Variants in TBC1D32 observed in about 807,000 individuals in gnomAD.
TBC1D32 encodes protein broad-minded.
TBC1D32 carries 151 observed loss-of-function variants against 170.3 expected under a neutral mutation model. The ratio of observed to expected loss-of-function variants is 0.89; its 90% CI spans 0.78 to 1.01. The LOEUF is 1.01. Among genes scored for constraint, TBC1D32 ranks in the 50% least tolerant of loss-of-function variants. The probability of loss-of-function intolerance (pLI) is 0.00; values close to 1 mark genes in which losing one functional copy is unlikely to be tolerated. For synonymous variants in TBC1D32, 498 were observed against 488.0 expected (o/e 1.02, Z -0.27); for missense variants, 1,464 against 1,457.1 (o/e 1.00, Z -0.08).
At chr6:121,103,217 A>T (rs922851747) in intron 30 of TBC1D32, among the ~76,000 whole-genome samples, 5 of 152,154 alleles carry the variant, frequency 3.3e-5, no homozygotes, top group African/African-American at 1.2e-4. Context: ...CATTTGACCC[A>T]GCCATCCCAT....
intron 30 of TBC1D32, among the ~76,000 whole-genome samples, chr6:121,100,295 G>C (rs1393476245): frequency 6.6e-6 from 1 of 151,978 alleles, no homozygotes; most frequent in African/African-American, 2.4e-5. Context: ...GATTGGTGCA[G>C]AGCTGAGTTC....
chr6:121,128,229 C>T (rs1426759630), intron 25 of TBC1D32, among the ~76,000 whole-genome samples: 1 of 152,128 alleles, frequency 6.6e-6, no homozygotes. Context: ...TGCCCAGCAA[C>T]CCTTATGAAC....
chr6:121,142,832 AAAAC>A (rs1439226686), intron 24 of TBC1D32, among the ~76,000 whole-genome samples: 5 of 152,302 alleles, frequency 3.3e-5, no homozygotes, highest in Admixed American at 6.5e-5. Context: ...CAGAAAAACA[AAAAC>A]AAAAGAAATT....
At chr6:121,296,860 A>G (rs769030625) in intron 10 of TBC1D32, among the ~76,000 whole-genome samples, 1 of 152,108 alleles carries the variant, frequency 6.6e-6, no homozygotes, top group Non-Finnish European at 1.5e-5. Context: ...AAGACAAAAG[A>G]ACAAACAATA....
At chr6:121,183,265 G>T (rs572659271) in intron 22 of TBC1D32, among the ~76,000 whole-genome samples, 7 of 152,122 alleles carry the variant, frequency 4.6e-5, no homozygotes, top group Non-Finnish European at 1.0e-4. Flanking sequence ...TTCATACAAT[G>T]CTAAGCAGTG....
At chr6:121,215,000 T>C (rs1483468771) in intron 21 of TBC1D32, among the ~76,000 whole-genome samples, 2 of 152,166 alleles carry the variant, frequency 1.3e-5, no homozygotes, top group African/African-American at 2.4e-5. Context: ...AGACCCACAA[T>C]GTATATCTCC....
chr6:121,090,903 G>T lies in TBC1D32; in HGVS notation c.3604C>A (p.Gln1202Lys). The T allele has an allele frequency of 1.9e-6, 3 of 1,612,634 alleles. No individual in the cohort carries two copies. The highest frequency in any genetic ancestry group is 2.5e-6 in the Non-Finnish European group (3 of 1,179,622). The change falls in exon 31 of 32, where the codon CAA becomes AAA. Residue 1202 changes from glutamine (Q) to lysine (K), a missense_variant. Physicochemically the swap from Gln to Lys is moderately conservative, Grantham distance 53. Coordinates refer to ENST00000398212, the MANE Select transcript of TBC1D32 (RefSeq NM_152730.6). The part of the protein sequence containing the change: ...ICIAVFKHLQ[Q>K]DILQHTQTQD... Reference sequence around the variant, plus strand: ...GTCTGAGTGTGCTGTAGAATGTCTTGCTGTAAATGTTTGAATACAGCTATA... The same window carrying T: ...GTCTGAGTGTGCTGTAGAATGTCTTTCTGTAAATGTTTGAATACAGCTATA...
chr6:121,222,463 G>A (rs1439588760), intron 21 of TBC1D32, among the ~76,000 whole-genome samples: 1 of 152,010 alleles, frequency 6.6e-6, no homozygotes, highest in East Asian at 1.9e-4. Flanking sequence ...ACCTATCTTT[G>A]TATTTCACGT....
intron 30 of TBC1D32, among the ~76,000 whole-genome samples, chr6:121,098,123 C>T (rs1261617901): frequency 6.6e-6 from 1 of 151,642 alleles, no homozygotes. Context: ...TGCAACAAAC[C>T]ACCATGGTAT....
At chr6:121,211,081 G>A (rs1460447013) in intron 21 of TBC1D32, among the ~76,000 whole-genome samples, 1 of 152,038 alleles carries the variant, frequency 6.6e-6, no homozygotes, top group Non-Finnish European at 1.5e-5. Context: ...AAGAACCCAA[G>A]TGTCCACCAG....
At chr6:121,230,436 A>C (rs577301191) in intron 20 of TBC1D32, among the ~76,000 whole-genome samples, 93 of 152,188 alleles carry the variant, frequency 6.1e-4, no homozygotes, top group African/African-American at 1.8e-3. Context: ...GGTTAACTAC[A>C]TTTGCCTACC....
intron 24 of TBC1D32, among the ~76,000 whole-genome samples, chr6:121,156,573 G>A (rs1226966249): frequency 1.3e-5 from 2 of 151,210 alleles, no homozygotes; most frequent in African/African-American, 4.9e-5. Context: ...GAGTCAGGTG[G>A]GTTTTTTTTC....
intron 1 of TBC1D32, among the ~76,000 whole-genome samples, chr6:121,332,164 A>T (rs1278185042): frequency 6.6e-6 from 1 of 152,226 alleles, no homozygotes; most frequent in African/African-American, 2.4e-5. Flanking sequence ...ACTTGAAAAA[A>T]AGTTTTAAAT....
intron 20 of TBC1D32, among the ~76,000 whole-genome samples, chr6:121,235,907 A>T (rs146368087): frequency 6.6e-6 from 1 of 152,200 alleles, no homozygotes; most frequent in Non-Finnish European, 1.5e-5. Flanking sequence ...TCCTAAAGTT[A>T]ATTTCTTAAA....
At chr6:121,261,547 A>C (rs1799770900) in intron 15 of TBC1D32, among the ~76,000 whole-genome samples, 1 of 152,188 alleles carries the variant, frequency 6.6e-6, no homozygotes, top group Non-Finnish European at 1.5e-5. Flanking sequence ...GAGGGACCTG[A>C]CAATTGAAAG....
chr6:121,274,980 A>G (rs1802025944), intron 15 of TBC1D32, among the ~76,000 whole-genome samples: 1 of 152,196 alleles, frequency 6.6e-6, no homozygotes, highest in African/African-American at 2.4e-5. Context: ...AAAAAAAAAG[A>G]TTAACTCCAG....
chr6:121,133,340 T>G (rs1781651884), intron 24 of TBC1D32, among the ~76,000 whole-genome samples: 1 of 151,984 alleles, frequency 6.6e-6, no homozygotes, highest in African/African-American at 2.4e-5. Flanking sequence ...TCAGCCCAAT[T>G]TTTATAAAAT....
chr6:121,291,634 T>C (rs1316202696), intron 12 of TBC1D32, among the ~76,000 whole-genome samples: 1 of 152,144 alleles, frequency 6.6e-6, no homozygotes, highest in Non-Finnish European at 1.5e-5. Context: ...TATAAAACAG[T>C]ATTTGCAACC....
At chr6:121,188,502 G>A (rs1198917904) in intron 22 of TBC1D32, among the ~76,000 whole-genome samples, 1 of 151,992 alleles carries the variant, frequency 6.6e-6, no homozygotes, top group Non-Finnish European at 1.5e-5. Context: ...GAGAGAAGGA[G>A]AGCCAATGAA....
Sources: allele counts gnomAD v4.1 joint callset (sites outside exome capture counted in the v4.1 genomes callset), GRCh38; gene constraint gnomAD v4.1.1; transcripts MANE v1.5; gene names NCBI Gene and HGNC (gene_info 2026-07-23, HGNC 2026-07-21).